Variants in MACROD2 observed in about 807,000 individuals in gnomAD.
MACROD2 encodes mono-ADP ribosylhydrolase 2, also known as ADP-ribose glycohydrolase MACROD2.
MACROD2 carries 36 observed loss-of-function variants against 70.4 expected under a neutral mutation model. The ratio of observed to expected loss-of-function variants is 0.51; its 90% CI spans 0.39 to 0.68. MACROD2 has a LOEUF of 0.68. Among genes scored for constraint, MACROD2 ranks in the 30% least tolerant of loss-of-function variants. The pLI is 0.00. For synonymous variants in MACROD2, 172 were observed against 178.8 expected, an observed-to-expected ratio of 0.96 and a Z score of 0.30; for missense variants, 496 against 538.4, an observed-to-expected ratio of 0.92 and a Z score of 0.78.
At chr20:15,191,935 G>GAGAGAGAA (rs1568626602) in intron 5 of MACROD2, among the ~76,000 whole-genome samples, 1 of 141,756 alleles carries the variant, frequency 7.1e-6, no homozygotes. Flanking sequence ...TATATATAGA[G>GAGAGAGAA]AGAGAGAGAG....
intron 8 of MACROD2, among the ~76,000 whole-genome samples, chr20:15,756,330 A>C (rs1465824049): frequency 6.6e-6 from 1 of 152,212 alleles, no homozygotes; most frequent in Non-Finnish European, 1.5e-5. Context: ...TTTCTAGGCA[A>C]AGCACATTAG....
intron 4 of MACROD2, among the ~76,000 whole-genome samples, chr20:14,602,017 A>G (rs1600441308): frequency 6.6e-6 from 1 of 152,184 alleles, no homozygotes. Context: ...TCTTGAGAAC[A>G]TGGATCATGT....
At chr20:14,430,664 C>G (rs149898967) in intron 3 of MACROD2, among the ~76,000 whole-genome samples, 4 of 152,224 alleles carry the variant, frequency 2.6e-5, no homozygotes, top group Non-Finnish European at 5.9e-5. Flanking sequence ...CTTTCTTTTT[C>G]AGTATGAGAA....
At chr20:15,107,831 C>T (rs903584352) in intron 5 of MACROD2, among the ~76,000 whole-genome samples, 1 of 151,976 alleles carries the variant, frequency 6.6e-6, no homozygotes, top group Non-Finnish European at 1.5e-5. Context: ...TTTGGAATAG[C>T]AAGAGAGCTA....
chr20:15,091,867 A>G (rs2075795517), intron 5 of MACROD2, among the ~76,000 whole-genome samples: 1 of 152,204 alleles, frequency 6.6e-6, no homozygotes, highest in Admixed American at 6.5e-5. Context: ...AGTACTATAC[A>G]CAGTGCTTTA....
chr20:15,135,015 A>C (rs2076135743), intron 5 of MACROD2, among the ~76,000 whole-genome samples: 1 of 152,218 alleles, frequency 6.6e-6, no homozygotes, highest in Non-Finnish European at 1.5e-5. Context: ...CTAAAGCAGG[A>C]AGAAGTTGAA....
At chr20:14,396,356 G>A (rs953882984) in intron 3 of MACROD2, among the ~76,000 whole-genome samples, 20 of 152,082 alleles carry the variant, frequency 1.3e-4, no homozygotes, top group African/African-American at 4.6e-4. Context: ...TATTCTTGTA[G>A]TTCTATAGTT....
At chr20:14,358,736 G>T (rs1219514301) in intron 3 of MACROD2, among the ~76,000 whole-genome samples, 1 of 152,114 alleles carries the variant, frequency 6.6e-6, no homozygotes, top group Non-Finnish European at 1.5e-5. Flanking sequence ...GATTACAGGC[G>T]TGAGCCACTG....
intron 5 of MACROD2, among the ~76,000 whole-genome samples, chr20:15,045,730 T>G (rs1032478894): frequency 2.1e-5 from 3 of 145,280 alleles, no homozygotes; most frequent in African/African-American, 5.1e-5. Context: ...TTTTTTTTTT[T>G]TTTTTTTTTT....
chr20:14,969,699 C>T (rs6034077), intron 5 of MACROD2, among the ~76,000 whole-genome samples: 1 of 151,832 alleles, frequency 6.6e-6, no homozygotes, highest in East Asian at 1.9e-4. Context: ...CTGCTTTTAA[C>T]TTGAATCTAC....
intron 5 of MACROD2, among the ~76,000 whole-genome samples, chr20:14,801,989 T>G (rs932794717): frequency 2.0e-5 from 3 of 152,062 alleles, no homozygotes; most frequent in African/African-American, 7.3e-5. Context: ...CTTTGAGGAC[T>G]TCAACATAAT....
At position 14,476,512 on chromosome 20, in the gene MACROD2, C is replaced by A. The variant is rs148510566; in HGVS notation, c.272-16967C>A. ...CTGGGATTACAAGTATGCACCACCA[C>A]GCCCAGCTAACTTTTTGTATTTTTA... is the stretch of plus-strand genomic sequence containing the variant. On this transcript the variant is annotated intron_variant, in intron 3 of 17. Transcript: ENST00000684519. Among the ~76,000 whole-genome samples the A allele has an allele frequency of 3.0e-3, 462 of 152,280 alleles. 4 individuals are homozygous for A. The highest frequency in any genetic ancestry group is 0.011 in the African/African-American group (441 of 41,548).
At chr20:15,615,988 G>A (rs766036309) in intron 8 of MACROD2, among the ~76,000 whole-genome samples, 8 of 152,078 alleles carry the variant, frequency 5.3e-5, no homozygotes, top group Non-Finnish European at 1.0e-4. Flanking sequence ...CAGGCAGATC[G>A]TAGGCCAAAG....
intron 5 of MACROD2, among the ~76,000 whole-genome samples, chr20:15,199,000 T>C (rs1240394158): frequency 7.1e-6 from 1 of 141,190 alleles, no homozygotes; most frequent in Non-Finnish European, 1.5e-5. Context: ...AATTAGCATC[T>C]GGACTTCTTT....
At chr20:14,367,107 C>T (rs1283491147) in intron 3 of MACROD2, among the ~76,000 whole-genome samples, 1 of 152,004 alleles carries the variant, frequency 6.6e-6, no homozygotes, top group Non-Finnish European at 1.5e-5. Context: ...CAATTAAAAT[C>T]CTAAATTTAT....
intron 8 of MACROD2, among the ~76,000 whole-genome samples, chr20:15,854,955 T>C (rs2064340643): frequency 6.6e-6 from 1 of 152,190 alleles, no homozygotes; most frequent in Non-Finnish European, 1.5e-5. Context: ...AGACTGTTGA[T>C]TTCTCTTTCA....
chr20:14,285,085 A>C (rs926940881), intron 3 of MACROD2, among the ~76,000 whole-genome samples: 7 of 152,184 alleles, frequency 4.6e-5, no homozygotes, highest in Middle Eastern at 6.8e-3. Flanking sequence ...CAGTTGGCAC[A>C]CTCTTTCCCC....
chr20:14,748,967 C>T (rs1250153259), intron 5 of MACROD2, among the ~76,000 whole-genome samples: 1 of 152,076 alleles, frequency 6.6e-6, no homozygotes, highest in Non-Finnish European at 1.5e-5. Context: ...TTCAGCCACC[C>T]ACCCAAGTCA....
chr20:14,241,035 G>A (rs1444514354), intron 3 of MACROD2, among the ~76,000 whole-genome samples: 1 of 152,096 alleles, frequency 6.6e-6, no homozygotes, highest in African/African-American at 2.4e-5. Flanking sequence ...AGAATCACCT[G>A]AACCCGGGAG....
Sources: allele counts gnomAD v4.1 joint callset (sites outside exome capture counted in the v4.1 genomes callset), GRCh38; gene constraint gnomAD v4.1.1; transcripts MANE v1.5; gene names NCBI Gene and HGNC (gene_info 2026-07-23, HGNC 2026-07-21).